CCSER2: variants seen among roughly 807,000 people sequenced by gnomAD.
The protein encoded by CCSER2 is serine-rich coiled-coil domain-containing protein 2.
In CCSER2, 46 loss-of-function variants were observed where a neutral mutation model predicts 92.3. The observed-to-expected ratio is 0.50, with a 90% CI of 0.39 to 0.64. CCSER2 has a LOEUF of 0.64. Among genes scored for constraint, CCSER2 ranks in the 30% least tolerant of loss-of-function variants. CCSER2 has a pLI of 0.00. For missense variants in CCSER2, 1,244 were observed against 1,238.9 expected (o/e 1.00, Z -0.06); for synonymous variants, 433 against 431.4 (o/e 1.00, Z -0.04).
chr10:84,378,779 T>A (rs916038356), intron 3 of CCSER2, among the ~76,000 whole-genome samples: 5 of 152,156 alleles, frequency 3.3e-5, no homozygotes, highest in Non-Finnish European at 7.4e-5. Context: ...TCTCTTTTTG[T>A]CCAGTCTGGC....
intron 5 of CCSER2, among the ~76,000 whole-genome samples, chr10:84,432,972 ACT>A: frequency 6.6e-6 from 1 of 152,034 alleles, no homozygotes; most frequent in South Asian, 2.1e-4. Context: ...TATCTTTTAT[ACT>A]CTGTTTTGAA....
At chr10:84,429,004 T>TATAC (rs1843608456) in intron 5 of CCSER2, among the ~76,000 whole-genome samples, 1 of 138,064 alleles carries the variant, frequency 7.2e-6, no homozygotes, top group African/African-American at 2.6e-5. Flanking sequence ...TATATATATA[T>TATAC]ATATATATAT....
chr10:84,408,954 TAAA>T (rs1319461689), intron 3 of CCSER2, among the ~76,000 whole-genome samples: 2 of 152,132 alleles, frequency 1.3e-5, no homozygotes, highest in African/African-American at 2.4e-5. Flanking sequence ...ATCAAAAAAA[TAAA>T]AATCTCATTT....
chr10:84,357,534 C>T (rs2133099162), intron 1 of CCSER2, among the ~76,000 whole-genome samples: 1 of 149,476 alleles, frequency 6.7e-6, no homozygotes, highest in East Asian at 2.0e-4. Flanking sequence ...ACTGCAAGCT[C>T]TGCCTCCCGG....
At chr10:84,348,531 C>T (rs1041445187) in intron 1 of CCSER2, among the ~76,000 whole-genome samples, 11 of 151,910 alleles carry the variant, frequency 7.2e-5, no homozygotes, top group East Asian at 1.9e-4. Context: ...AGGGCGAGGG[C>T]GAGGGAGAAT....
intron 9 of CCSER2, among the ~76,000 whole-genome samples, chr10:84,478,407 C>A (rs1847277319): frequency 6.6e-6 from 1 of 152,122 alleles, no homozygotes; most frequent in Admixed American, 6.6e-5. Context: ...TCAGCCTTGA[C>A]TCTTTTGCCT....
At chr10:84,348,260 G>C (rs1280925838) in intron 1 of CCSER2, among the ~76,000 whole-genome samples, 1 of 152,234 alleles carries the variant, frequency 6.6e-6, no homozygotes, top group African/African-American at 2.4e-5. Context: ...AGACCCGCCC[G>C]GCCAACACAG....
chr10:84,376,799 C>A (rs1055050316), intron 3 of CCSER2, among the ~76,000 whole-genome samples: 9 of 152,140 alleles, frequency 5.9e-5, no homozygotes, highest in Admixed American at 3.3e-4. Flanking sequence ...ACACTCCCCA[C>A]TGGCAGTAAA....
intron 3 of CCSER2, among the ~76,000 whole-genome samples, chr10:84,377,393 G>A (rs1007524254): frequency 6.6e-6 from 1 of 152,102 alleles, no homozygotes; most frequent in Non-Finnish European, 1.5e-5. Context: ...TAGATGTCAC[G>A]ATTAATTTAT....
intron 1 of CCSER2, among the ~76,000 whole-genome samples, chr10:84,331,600 C>A (rs4934005): frequency 0.1 from 15,569 of 152,076 alleles, 970 homozygotes; most frequent in Admixed American, 0.15. Context: ...GTGAGAGGAG[C>A]CTATCTTACT....
chr10:84,392,526 T>G (rs545859746), intron 3 of CCSER2, among the ~76,000 whole-genome samples: 8 of 150,988 alleles, frequency 5.3e-5, no homozygotes, highest in African/African-American at 1.9e-4. Flanking sequence ...TATTTAAAGT[T>G]TTTTTTTTAA....
At chr10:84,471,942 AAATG>A in intron 8 of CCSER2, among the ~76,000 whole-genome samples, 1 of 152,270 alleles carries the variant, frequency 6.6e-6, no homozygotes, top group African/African-American at 2.4e-5. Flanking sequence ...TATCTTCTAC[AAATG>A]AATATTCAAC....
At chr10:84,429,243 A>G (rs1010662393) in intron 5 of CCSER2, among the ~76,000 whole-genome samples, 7 of 151,612 alleles carry the variant, frequency 4.6e-5, no homozygotes, top group African/African-American at 1.5e-4. Context: ...AGTTTTTTGG[A>G]TTGCTAATTT....
At chr10:84,492,965 C>T (rs1167027940) in intron 9 of CCSER2, among the ~76,000 whole-genome samples, 1 of 152,098 alleles carries the variant, frequency 6.6e-6, no homozygotes, top group African/African-American at 2.4e-5. Context: ...TAAGTTAAAC[C>T]TGGCCTCATA....
At chr10:84,444,040 A>G (rs796488710) in intron 6 of CCSER2, among the ~76,000 whole-genome samples, 6 of 152,262 alleles carry the variant, frequency 3.9e-5, no homozygotes, top group African/African-American at 1.4e-4. Flanking sequence ...TACCTAACGT[A>G]GATGACAGGT....
intron 6 of CCSER2, among the ~76,000 whole-genome samples, chr10:84,457,209 T>TATATATTATATATTATATAAAA: frequency 9.0e-6 from 1 of 110,824 alleles, no homozygotes; most frequent in East Asian, 2.3e-4. Flanking sequence ...TTCTTTTATA[T>TATATATTATATATTATATAAAA]ATATATTACA....
intron 1 of CCSER2, among the ~76,000 whole-genome samples, chr10:84,353,892 AAAAC>A (rs1355417900): frequency 6.9e-6 from 1 of 144,024 alleles, no homozygotes; most frequent in Non-Finnish European, 1.6e-5. Context: ...TAAAAACAAA[AAAAC>A]AAAAAAACAA....
chr10:84,501,822 G>GGAAAA (rs1491349170), intron 9 of CCSER2, among the ~76,000 whole-genome samples: 1 of 29,012 alleles, frequency 3.4e-5, no homozygotes, highest in African/African-American at 7.2e-5. Flanking sequence ...GTCATCTAGG[G>GGAAAA]AAAAAAAAAA....
At position 84,369,158 on chromosome 10, in the gene CCSER2, T is replaced by G. The variant is rs920040214; in HGVS notation, c.-39-1856T>G. Among the ~76,000 whole-genome samples the G allele has an allele frequency of 9.4e-5, 14 of 148,848 alleles. No individual in the cohort carries two copies. In the East Asian group the frequency reaches 1.4e-3, roughly 15 times the overall value. The stretch of plus-strand genomic sequence containing the variant: ...TACATATGCAGGTTTTTTTTTTTTT[T>G]GATACAGTTTTCCTTTGGGTAGATA... On this transcript the variant is annotated intron_variant, in intron 1 of 9. Coordinates refer to ENST00000372088, the MANE Select transcript of CCSER2 (RefSeq NM_001284240.2).
Sources: allele counts gnomAD v4.1 joint callset (sites outside exome capture counted in the v4.1 genomes callset), GRCh38; gene constraint gnomAD v4.1.1; transcripts MANE v1.5; gene names NCBI Gene and HGNC (gene_info 2026-07-23, HGNC 2026-07-21).